Variants in SNTG2 observed in about 807,000 individuals in gnomAD.
SNTG2 encodes the protein gamma-2-syntrophin.
A neutral mutation model predicts 70.9 loss-of-function variants in SNTG2; 74 were observed. The observed-to-expected ratio is 1.04, with a 90% CI of 0.86 to 1.27. The LOEUF is 1.27. SNTG2 is among the 50% of genes most tolerant of loss of function. The pLI, the probability that SNTG2 is intolerant of heterozygous loss-of-function variation, is 0.00. For synonymous variants in SNTG2, 278 were observed against 273.8 expected (o/e 1.02, Z -0.15); for missense variants, 717 against 690.7 (o/e 1.04, Z -0.43).
At chr2:1,223,407 G>A (rs541569318) in intron 9 of SNTG2, among the ~76,000 whole-genome samples, 2 of 151,784 alleles carry the variant, frequency 1.3e-5, no homozygotes. Flanking sequence ...CGCAGTGATG[G>A]AGGGCGTCTC....
At chr2:951,765 T>A (rs1024197560) in intron 1 of SNTG2, among the ~76,000 whole-genome samples, 1 of 152,182 alleles carries the variant, frequency 6.6e-6, no homozygotes. Flanking sequence ...CAGCACAGCC[T>A]CGAGTTGTGA....
At chr2:1,070,147 G>A (rs1161245844) in intron 1 of SNTG2, among the ~76,000 whole-genome samples, 5 of 152,046 alleles carry the variant, frequency 3.3e-5, no homozygotes, top group East Asian at 1.9e-4. Context: ...AGGGGCGGGG[G>A]ATGGGGCAAG....
chr2:1,080,711 T>A (rs969412756), intron 1 of SNTG2, among the ~76,000 whole-genome samples: 5 of 151,904 alleles, frequency 3.3e-5, no homozygotes, highest in African/African-American at 1.2e-4. Flanking sequence ...TGTGTGGAGG[T>A]ATGCATGTGG....
At position 1,098,389 on chromosome 2, in the gene SNTG2, A is replaced by G. The variant is rs1665535645; in HGVS notation, c.304A>G (p.Lys102Glu). Residue 102 changes from lysine to glutamate, a missense_variant, in exon 4 of 17, where the codon AAA (lysine) becomes GAA (glutamate). Transcript: ENST00000308624. ...SEHNVPVVIS[K>E]IFEDQAADQT... is the part of the protein sequence containing the mutation. ...GCACAACGTCCCTGTCGTCATATCA[A>G]AAATATTCGAAGACCAAGCAGGTAA... The G allele has an allele frequency of 6.2e-7, 1 of 1,614,014 alleles. No homozygotes were observed.
At position 1,137,676 on chromosome 2, in the gene SNTG2, T is replaced by C. The variant is rs772577723; in HGVS notation, c.369+11T>C. On this transcript the variant is annotated intron_variant, in intron 5 of 16. Transcript: ENST00000308624. Reference sequence around the variant, plus strand: ...GATGCTGTTCTCCAGGTCAGTATTGTACACGTTAATCCTTAACTTGATTGC... The same window carrying C: ...GATGCTGTTCTCCAGGTCAGTATTGCACACGTTAATCCTTAACTTGATTGC... The C allele has an allele frequency of 1.5e-5, 24 of 1,613,662 alleles. No individual in the cohort carries two copies. Among genetic ancestry groups the C allele is most frequent in the Non-Finnish European group, 1.8e-5 (21 of 1,179,810 alleles).
chr2:1,076,624 T>C (rs1166601977), intron 1 of SNTG2, among the ~76,000 whole-genome samples: 1 of 152,188 alleles, frequency 6.6e-6, no homozygotes, highest in Non-Finnish European at 1.5e-5. Flanking sequence ...GTGCTATGCT[T>C]CCAACAAAGA....
At chr2:1,216,583 A>G (rs1674407889) in intron 9 of SNTG2, among the ~76,000 whole-genome samples, 1 of 152,090 alleles carries the variant, frequency 6.6e-6, no homozygotes, top group South Asian at 2.1e-4. Flanking sequence ...GTTTAATTAG[A>G]TCCCATTTGT....
chr2:1,321,823 A>G (rs979843454), intron 16 of SNTG2, among the ~76,000 whole-genome samples: 2 of 152,134 alleles, frequency 1.3e-5, no homozygotes, highest in African/African-American at 4.8e-5. Flanking sequence ...TATTTTTAAA[A>G]TTCTCATCTC....
At chr2:1,066,600 C>T (rs952718203) in intron 1 of SNTG2, among the ~76,000 whole-genome samples, 8 of 152,044 alleles carry the variant, frequency 5.3e-5, no homozygotes, top group Non-Finnish European at 1.5e-5. Flanking sequence ...GATCCAGCCA[C>T]TGAGCTGGTC....
rs373071484 is a variant in SNTG2 at position 1,116,862 on chromosome 2, T to TCTGGTGTACGGGTGCC, written c.325+18471_325+18486dup. 1.4e-4 allele frequency among the ~76,000 whole-genome samples: 18 copies of TCTGGTGTACGGGTGCC among 125,042 alleles called. 1 individual carries two copies. Among genetic ancestry groups the TCTGGTGTACGGGTGCC allele is most frequent in the African/African-American group, 4.3e-4 (14 of 32,244 alleles). 82.0% of individuals were successfully genotyped at this position (125,042 alleles called of 152,430 possible). A position where few individuals can be genotyped will look rare whatever the true frequency, so the allele number is the denominator to read the frequency against. On this transcript the variant is annotated intron_variant, in intron 4 of 16. Transcript: ENST00000308624. ...TATGGGTGCCCTGGTGTGTGGGTGC[T>TCTGGTGTACGGGTGCC]CTGGTGTACGGGTGCCCTGGTGTAC... is the stretch of plus-strand genomic sequence containing the variant.
chr2:1,192,127 A>G (rs898066641), intron 8 of SNTG2, among the ~76,000 whole-genome samples: 10 of 152,322 alleles, frequency 6.6e-5, no homozygotes, highest in African/African-American at 2.2e-4. Flanking sequence ...GGCTCTGAGA[A>G]GATAGAAGGA....
At chr2:980,129 T>A (rs5020131) in intron 1 of SNTG2, among the ~76,000 whole-genome samples, 1 of 151,876 alleles carries the variant, frequency 6.6e-6, no homozygotes, top group Non-Finnish European at 1.5e-5. Flanking sequence ...AATTCCAAAT[T>A]ACCATCCTCC....
intron 14 of SNTG2, among the ~76,000 whole-genome samples, chr2:1,307,841 A>G (rs1398931262): frequency 1.3e-5 from 2 of 152,246 alleles, no homozygotes; most frequent in East Asian, 1.9e-4. Flanking sequence ...GCCCAGGAGC[A>G]GAGAACCCAA....
At chr2:1,232,122 G>A (rs181722562) in intron 9 of SNTG2, among the ~76,000 whole-genome samples, 229 of 152,202 alleles carry the variant, frequency 1.5e-3, no homozygotes, top group African/African-American at 5.2e-3. Context: ...AGCACTGCCC[G>A]GGGAAGTGAG....
At chr2:1,236,190 T>C (rs1429506288) in intron 9 of SNTG2, among the ~76,000 whole-genome samples, 1 of 152,244 alleles carries the variant, frequency 6.6e-6, no homozygotes, top group Non-Finnish European at 1.5e-5. Flanking sequence ...TAAGAATTAA[T>C]GGATACTTGG....
intron 1 of SNTG2, among the ~76,000 whole-genome samples, chr2:1,036,428 A>G (rs1661133389): frequency 6.6e-6 from 1 of 152,182 alleles, no homozygotes; most frequent in Non-Finnish European, 1.5e-5. Flanking sequence ...AGTGACTCTG[A>G]TAAATTTCTA....
chr2:1,215,914 A>G (rs568897793), intron 9 of SNTG2, among the ~76,000 whole-genome samples: 1 of 152,196 alleles, frequency 6.6e-6, no homozygotes, highest in Admixed American at 6.5e-5. Context: ...ATGGTATTTC[A>G]TGGTGTATAT....
At chr2:1,350,836 G>A (rs918684267) in intron 16 of SNTG2, among the ~76,000 whole-genome samples, 1 of 152,102 alleles carries the variant, frequency 6.6e-6, no homozygotes. Context: ...CCTTACGAAA[G>A]CAAATGATAT....
chr2:1,321,930 C>A (rs1380908167), intron 16 of SNTG2, among the ~76,000 whole-genome samples: 4 of 150,770 alleles, frequency 2.7e-5, no homozygotes, highest in Admixed American at 6.6e-5. Context: ...CCTTCCTTCT[C>A]TCCTTCCTTC....
Sources: gnomAD v4.1 joint callset for allele counts (sites outside exome capture counted in the v4.1 genomes callset) on GRCh38, gnomAD v4.1.1 for gene constraint, MANE v1.5 for transcripts, NCBI Gene and HGNC (gene_info 2026-07-23, HGNC 2026-07-21) for gene names.